Variants in RUVBL1 observed in about 807,000 individuals in gnomAD.
The protein encoded by RUVBL1 is RuvB like AAA ATPase 1.
Under a neutral mutation model 52.4 loss-of-function variants are expected in RUVBL1, and 4 were observed. The observed-to-expected ratio is 0.08, with a 90% CI of 0.04 to 0.17. RUVBL1 has a LOEUF of 0.17. RUVBL1 is among the 10% of genes least tolerant of loss of function. The pLI, the probability that RUVBL1 is intolerant of heterozygous loss-of-function variation, is 1.00. For synonymous variants in RUVBL1, 217 were observed against 214.4 expected (o/e 1.01, Z -0.10); for missense variants, 298 against 572.8 (o/e 0.52, Z 4.90).
At chr3:128,086,048 G>C (rs1019453140) in intron 9 of RUVBL1, among the ~76,000 whole-genome samples, 3 of 152,176 alleles carry the variant, frequency 2.0e-5, no homozygotes, top group Admixed American at 6.5e-5. Context: ...CTCTGCTGGA[G>C]TGCAGTGGCA....
chr3:128,117,943 G>C (rs942420200), intron 2 of RUVBL1, among the ~76,000 whole-genome samples: 1 of 152,122 alleles, frequency 6.6e-6, no homozygotes, highest in African/African-American at 2.4e-5. Flanking sequence ...ATAACATTGA[G>C]AGAGAAGTAC....
chr3:128,105,477 G>A (rs1463806623), intron 3 of RUVBL1, among the ~76,000 whole-genome samples: 1 of 152,098 alleles, frequency 6.6e-6, no homozygotes, highest in East Asian at 1.9e-4. Flanking sequence ...AGATAGACAA[G>A]TTATAATTCT....
intron 3 of RUVBL1, among the ~76,000 whole-genome samples, chr3:128,112,663 C>T (rs995513670): frequency 1.3e-5 from 2 of 152,078 alleles, no homozygotes; most frequent in African/African-American, 2.4e-5. Flanking sequence ...CATGAAGAAG[C>T]GCAGGCTCAC....
chr3:128,103,739 T>A (rs1943160796), intron 4 of RUVBL1, among the ~76,000 whole-genome samples: 1 of 152,226 alleles, frequency 6.6e-6, no homozygotes, highest in African/African-American at 2.4e-5. Context: ...AACCTCTTTA[T>A]GAGCCTTCAT....
intron 1 of RUVBL1, among the ~76,000 whole-genome samples, chr3:128,147,804 A>G (rs2107738616): frequency 6.6e-6 from 1 of 152,348 alleles, no homozygotes; most frequent in East Asian, 1.9e-4. Context: ...ATAAGTGTTT[A>G]GAGCAGCTTT....
intron 8 of RUVBL1, among the ~76,000 whole-genome samples, chr3:128,090,873 A>T (rs1199947218): frequency 6.6e-6 from 1 of 152,240 alleles, no homozygotes; most frequent in African/African-American, 2.4e-5. Context: ...GGACAAAAAT[A>T]TCCAAAATTC....
At position 128,101,567 on chromosome 3, in the gene RUVBL1, C is replaced by T; in HGVS notation, c.595G>A (p.Ala199Thr). 1 of 1,613,922 alleles carries T rather than the reference C, an allele frequency of 6.2e-7. No individual in the cohort carries two copies. Among genetic ancestry groups the T allele is most frequent in the Non-Finnish European group, 8.5e-7 (1 of 1,179,882 alleles). Residue 199 changes from alanine to threonine, a missense_variant, in exon 5 of 11, where the codon GCC (alanine) becomes ACC (threonine). By Grantham distance (58) the Ala-to-Thr change is moderately conservative. Around this residue, in one of 5 missense-constraint regions of RUVBL1, gnomAD observed 58 missense variants for 83.2 expected, o/e 0.70. Coordinates refer to ENST00000322623, the MANE Select transcript of RUVBL1 (RefSeq NM_003707.3). ...DVIYIEANSG[A>T]VKRQGRCDTY... ...CCCAAGGAAGGCATTACCTTCACGGCCCCACTGTTGGCTTCAATGTAAATC... is the reference window on the plus strand; with the variant it reads ...CCCAAGGAAGGCATTACCTTCACGGTCCCACTGTTGGCTTCAATGTAAATC...
chr3:128,085,054 G>A (rs1383184856), intron 9 of RUVBL1: 1 of 152,252 alleles, frequency 6.6e-6, no homozygotes, highest in Non-Finnish European at 1.5e-5. Context: ...ATAGCCACAG[G>A]ACCCTCGTTC....
At chr3:128,076,040 C>T (rs971293023), downstream of RUVBL1, 4 of 152,916 alleles carry the variant, frequency 2.6e-5, no homozygotes, top group African/African-American at 9.6e-5. This position sits in a 1 kb window ranked among gnomAD's most constrained non-coding sequence, Gnocchi z 6.8. Flanking sequence ...CTCCGGCCCC[C>T]TCTCTGCACA....
intron 4 of RUVBL1, among the ~76,000 whole-genome samples, chr3:128,104,193 G>GT (rs1242377919): frequency 6.6e-6 from 1 of 152,166 alleles, no homozygotes; most frequent in Non-Finnish European, 1.5e-5. Context: ...TACAGGACAG[G>GT]TGGCTGAGGA....
exon 1 of RUVBL1, chr3:128,153,601 T>G: frequency 6.3e-7 from 1 of 1,591,380 alleles, no homozygotes; most frequent in Non-Finnish European, 8.5e-7. Flanking sequence ...CACCACAGCC[T>G]CCACCGCCGC....
rs1175741271 is a variant in RUVBL1 at position 128,087,796 on chromosome 3, G to A, written c.1029C>T (p.Asp343=). 1 of 1,613,208 alleles carries A rather than the reference G, an allele frequency of 6.2e-7. No homozygotes were observed. The highest frequency in any genetic ancestry group is 1.3e-5 in the African/African-American group (1 of 75,004). Residue 343 remains aspartate (D), a synonymous_variant, in exon 9 of 11, where the codon GAC becomes GAT. Coordinates refer to ENST00000322623, the MANE Select transcript of RUVBL1 (RefSeq NM_003707.3). ...GAGGGATGCCGTGAGGGGATGTGAT[G>A]TCCTCAGTGCCTCTGTAAGGGGCAA... ...RGNCVIRGTE[D]ITSPHGIPLD...
At chr3:128,120,239 G>A (rs555672114) in intron 1 of RUVBL1, among the ~76,000 whole-genome samples, 7 of 152,280 alleles carry the variant, frequency 4.6e-5, no homozygotes, top group African/African-American at 1.7e-4. Context: ...AACCTATTAA[G>A]GGGTAAGAAT....
At chr3:128,109,299 A>G (rs1279384972) in intron 3 of RUVBL1, among the ~76,000 whole-genome samples, 1 of 152,006 alleles carries the variant, frequency 6.6e-6, no homozygotes, top group Non-Finnish European at 1.5e-5. Context: ...TAATCTCAGC[A>G]CTCTGTGGGG....
chr3:128,141,924 C>T (rs570433322), intron 1 of RUVBL1: 1 of 152,328 alleles, frequency 6.6e-6, no homozygotes, highest in African/African-American at 2.4e-5. Flanking sequence ...GCCCAGGGGC[C>T]ATGCTGTCTC....
chr3:128,110,323 A>G (rs1242951498), intron 3 of RUVBL1, among the ~76,000 whole-genome samples: 1 of 152,106 alleles, frequency 6.6e-6, no homozygotes, highest in African/African-American at 2.4e-5. Context: ...TTTTAAAAAT[A>G]GATAACTTAA....
chr3:128,104,650 T>G, intron 4 of RUVBL1, 123 bp downstream of exon 4: 55 of 779,208 alleles, frequency 7.1e-5, no homozygotes, highest in Non-Finnish European at 1.1e-4. Context: ...ACCAATTCTG[T>G]GAGAAATCAA....
intron 3 of RUVBL1, among the ~76,000 whole-genome samples, chr3:128,111,377 A>T (rs1943390689): frequency 6.6e-6 from 1 of 152,186 alleles, no homozygotes; most frequent in Admixed American, 6.5e-5. Flanking sequence ...GACGCTGAGT[A>T]AACACCCAAC....
chr3:128,149,907 C>A (rs1407367639), intron 1 of RUVBL1, among the ~76,000 whole-genome samples: 1 of 152,264 alleles, frequency 6.6e-6, no homozygotes, highest in African/African-American at 2.4e-5. Context: ...CACCACCAGG[C>A]TAAAACCATA....
Sources: gnomAD v4.1 joint callset for allele counts (sites outside exome capture counted in the v4.1 genomes callset) on GRCh38, gnomAD v4.1.1 for gene constraint, gnomAD v4.1.1 regional missense constraint, Gnocchi (gnomAD v3.1) non-coding constraint, MANE v1.5 for transcripts, NCBI Gene and HGNC (gene_info 2026-07-23, HGNC 2026-07-21) for gene names.